DENND4B: variants seen among roughly 807,000 people sequenced by gnomAD.
DENND4B encodes DENN domain-containing protein 4B.
A neutral mutation model predicts 161.0 loss-of-function variants in DENND4B; 67 were observed. The ratio of observed to expected loss-of-function variants is 0.42; its 90% CI spans 0.34 to 0.51. DENND4B has a LOEUF of 0.51. DENND4B is among the 20% of genes least tolerant of loss of function. DENND4B has a pLI of 0.08. For missense variants in DENND4B, 1,481 were observed against 1,968.0 expected, an observed-to-expected ratio of 0.75 and a Z score of 4.68; for synonymous variants, 753 against 813.8, an observed-to-expected ratio of 0.93 and a Z score of 1.27.
Position 153,940,923 on chromosome 1 carries a change from A to G in DENND4B, c.1307T>C (p.Val436Ala), listed in dbSNP as rs757039459. The G allele has an allele frequency of 2.0e-5, 31 of 1,582,134 alleles. No homozygotes were observed. Among genetic ancestry groups the G allele is most frequent in the Non-Finnish European group, 4.3e-6 (5 of 1,167,788 alleles). The change falls in exon 9 of 28, where the codon GTC (valine) becomes GCC (alanine). Residue 436 changes from valine to alanine, a missense_variant. Around this residue, in one of 3 missense-constraint regions of DENND4B, gnomAD observed 806 missense variants for 1,134.4 expected, o/e 0.71. Coordinates refer to ENST00000361217, the MANE Select transcript of DENND4B (RefSeq NM_014856.3). The surrounding 1 kb of genome is among the most constrained non-coding windows in gnomAD (Gnocchi z 5.6). ...ACTCACCGAGACGAGGGCCTCACAG[A>G]CGCTGGTGAGCAGGTCTGGCCGCAG... ...HSLRPDLLTSVCEALVSMIFP... is the reference protein window; with the variant it reads ...HSLRPDLLTSACEALVSMIFP...
chr1:153,934,047 C>G lies in DENND4B; in HGVS notation c.2941+88G>C. ...AGCACCCACCACAGAGGGCCGCCCT[C>G]CACTCTGTTTCTGGTCTTCCCCACC... On this transcript the variant is annotated intron_variant, in intron 19 of 27. Transcript: ENST00000361217. The surrounding 1 kb of genome is among the most constrained non-coding windows in gnomAD (Gnocchi z 5.3). 1 of 1,464,310 alleles carries G rather than the reference C, an allele frequency of 6.8e-7. No individual in the cohort carries two copies. The highest frequency in any genetic ancestry group is 9.0e-7 in the Non-Finnish European group (1 of 1,106,144). The allele number at this position is 1,464,310 out of a possible 1,614,324, so 90.7% of individuals were successfully genotyped here.
At position 153,937,372 on chromosome 1, in the gene DENND4B, T is replaced by C. The variant is rs1679407401; in HGVS notation, c.2232+116A>G. On this transcript the variant is annotated intron_variant, in intron 15 of 27. Coordinates refer to ENST00000361217, the MANE Select transcript of DENND4B (RefSeq NM_014856.3). This position sits in a 1 kb window ranked among gnomAD's most constrained non-coding sequence, Gnocchi z 4.7. ...TATGTGCCAAGCACATTTAAACTCC[T>C]AACAACCTCATGGGTTAAGTATTAT... The C allele has an allele frequency of 7.1e-7, 1 of 1,407,024 alleles. No individual in the cohort carries two copies. The highest frequency in any genetic ancestry group is 2.5e-5 in the East Asian group (1 of 39,504). 87.2% of individuals were successfully genotyped at this position (1,407,024 alleles called of 1,614,324 possible).
intron 8 of DENND4B, 42 bp from the exon 9 acceptor site, chr1:153,941,090 C>T (rs1297601356): frequency 6.4e-7 from 1 of 1,555,966 alleles, no homozygotes; most frequent in Admixed American, 2.0e-5. Context: ...ACCAGGATAC[C>T]CTGGGGACCC....
upstream of DENND4B, chr1:153,946,804 G>T (rs1015739488): frequency 8.2e-6 from 3 of 364,198 alleles, no homozygotes; most frequent in African/African-American, 6.3e-5. This position sits in a 1 kb window ranked among gnomAD's most constrained non-coding sequence, Gnocchi z 6.3. Flanking sequence ...TCCAGCCCGT[G>T]CCTCAGGACA....
intron 6 of DENND4B, 71 bp downstream of exon 6, chr1:153,941,798 A>G: frequency 1.3e-6 from 1 of 799,990 alleles, no homozygotes; most frequent in Non-Finnish European, 1.9e-6. Context: ...CCACATCTGA[A>G]TCTCTCCCAT....
Position 153,942,053 on chromosome 1 carries a change from G to C in DENND4B, c.871C>G (p.Gln291Glu). The change falls in exon 6 of 28, where the codon CAG becomes GAG. Residue 291 changes from glutamine to glutamate, a missense_variant. Around this residue, in one of 3 missense-constraint regions of DENND4B, gnomAD observed 806 missense variants for 1,134.4 expected, o/e 0.71. Coordinates refer to ENST00000361217, the MANE Select transcript of DENND4B (RefSeq NM_014856.3). The surrounding 1 kb of genome is among the most constrained non-coding windows in gnomAD (Gnocchi z 6.9). Reference protein sequence around the residue: ...AFPRARLSERQARALGLLSAV... With the variant: ...AFPRARLSEREARALGLLSAV... ...CTCAGCAGGCCCAGTGCCCGTGCCT[G>C]TCGCTCTGATAGCCTGGCCCTTGGG... is the stretch of plus-strand genomic sequence containing the variant. 6.2e-7 allele frequency: 1 copy of C among 1,612,062 alleles called. No individual in the cohort carries two copies. The highest frequency in any genetic ancestry group is 8.5e-7 in the Non-Finnish European group (1 of 1,179,126).
At chr1:153,941,774 A>AGGGGGGGG in intron 6 of DENND4B, 95 bp downstream of exon 6, 6 of 618,126 alleles carry the variant, frequency 9.7e-6, no homozygotes, top group Non-Finnish European at 1.1e-5. Flanking sequence ...CCCTGTGCCC[A>AGGGGGGGG]GCCCTCCCCC....
chr1:153,932,427 C>A lies in DENND4B; in HGVS notation c.3773G>T (p.Arg1258Leu). 1 of 1,609,252 alleles carries A rather than the reference C, an allele frequency of 6.2e-7. No homozygotes were observed. The highest frequency in any genetic ancestry group is 8.5e-7 in the Non-Finnish European group (1 of 1,177,906). ...CNGHMGGASR[R>L]VESGAWAYLS... Reference sequence around the variant, plus strand: ...GTATGCCCATGCCCCACTCTCAACCCGCCGGGAGGCTCCCTATCAGGCACA... The same window carrying A: ...GTATGCCCATGCCCCACTCTCAACCAGCCGGGAGGCTCCCTATCAGGCACA... Residue 1258 changes from arginine (R) to leucine (L), a missense_variant, in exon 24 of 28, where the codon CGG becomes CTG. By Grantham distance (102) the Arg-to-Leu change is moderately radical. Coordinates refer to ENST00000361217, the MANE Select transcript of DENND4B (RefSeq NM_014856.3). This position sits in a 1 kb window ranked among gnomAD's most constrained non-coding sequence, Gnocchi z 5.8.
At chr1:153,945,331 G>T in intron 1 of DENND4B, 2 of 400,292 alleles carry the variant, frequency 5.0e-6, no homozygotes, top group Non-Finnish European at 4.6e-6. Flanking sequence ...TCAGCCTATG[G>T]GTGTGTGTGG....
In DENND4B at chr1:153,942,511, A is replaced by T; in HGVS notation, c.640+45T>A. 1 of 1,577,964 alleles carries T rather than the reference A, an allele frequency of 6.3e-7. No homozygotes were observed. Among genetic ancestry groups the T allele is most frequent in the South Asian group, 1.2e-5 (1 of 86,638 alleles). On this transcript the variant is annotated intron_variant, in intron 4 of 27. Transcript: ENST00000361217. This position sits in a 1 kb window ranked among gnomAD's most constrained non-coding sequence, Gnocchi z 6.9. ...TGCCTGCCAAGAGGCACCAGGGCAA[A>T]GGGATGTAGGGTCACAGGATTGGAG...
rs748942464 is a variant in DENND4B at position 153,933,726 on chromosome 1, G to A, written c.3087C>T (p.Ser1029=). ...GGSGSALSAQ[S]TEALEGLSGR... ...CACTTAGCCCTTCCAGGGCCTCAGTGGACTGGGCACTCAGGGCTGAGCCTG... is the reference window on the plus strand; with the variant it reads ...CACTTAGCCCTTCCAGGGCCTCAGTAGACTGGGCACTCAGGGCTGAGCCTG... Residue 1029 remains serine (S), a synonymous_variant, in exon 20 of 28, where the codon TCC becomes TCT. Coordinates refer to ENST00000361217, the MANE Select transcript of DENND4B (RefSeq NM_014856.3). This position sits in a 1 kb window ranked among gnomAD's most constrained non-coding sequence, Gnocchi z 5.7. The A allele has an allele frequency of 1.3e-6, 2 of 1,593,740 alleles. No individual in the cohort carries two copies. The highest frequency in any genetic ancestry group is 2.3e-5 in the South Asian group (2 of 88,712).
chr1:153,931,422 T>C (rs976505381), intron 24 of DENND4B, among the ~76,000 whole-genome samples: 1 of 151,842 alleles, frequency 6.6e-6, no homozygotes, highest in African/African-American at 2.4e-5. Context: ...ATGACCAAAT[T>C]GAGGCTCAGA....
At chr1:153,931,909 T>C (rs540983651) in intron 24 of DENND4B, among the ~76,000 whole-genome samples, 4 of 151,930 alleles carry the variant, frequency 2.6e-5, no homozygotes, top group Non-Finnish European at 1.5e-5. Flanking sequence ...GTTCAAGCAA[T>C]TCTCCCACCT....
In DENND4B at chr1:153,932,661, A is replaced by G. The variant is rs757215248; in HGVS notation, c.3740T>C (p.Leu1247Pro). ...RLCLALDEPQ[L>P]CNGHMGGASR... ...CCTTACCCCCATGTGCCCGTTGCAGAGCTGGGGCTCATCCAGAGCAAGGCA... is the reference window on the plus strand; with the variant it reads ...CCTTACCCCCATGTGCCCGTTGCAGGGCTGGGGCTCATCCAGAGCAAGGCA... Residue 1247 changes from leucine to proline, a missense_variant, in exon 23 of 28, where the codon CTC becomes CCC. Transcript: ENST00000361217. The surrounding 1 kb of genome is among the most constrained non-coding windows in gnomAD (Gnocchi z 5.8). 1 of 1,613,622 alleles carries G rather than the reference A, an allele frequency of 6.2e-7. No individual in the cohort carries two copies. Among genetic ancestry groups the G allele is most frequent in the Admixed American group, 1.7e-5 (1 of 60,018 alleles).
rs1679406377 is a variant in DENND4B, at chr1:153,937,360, C to T, written c.2232+128G>A. On this transcript the variant is annotated intron_variant, in intron 15 of 27. Transcript: ENST00000361217. This position sits in a 1 kb window ranked among gnomAD's most constrained non-coding sequence, Gnocchi z 4.7. ...TACAGGGTTGCTTATGTGCCAAGCACATTTAAACTCCTAACAACCTCATGG... is the reference window on the plus strand; with the variant it reads ...TACAGGGTTGCTTATGTGCCAAGCATATTTAAACTCCTAACAACCTCATGG... 1 of 1,358,348 alleles carries T rather than the reference C, an allele frequency of 7.4e-7. No homozygotes were observed. The highest frequency in any genetic ancestry group is 1.5e-5 in the African/African-American group (1 of 68,272). 84.1% of individuals were successfully genotyped at this position (1,358,348 alleles called of 1,614,324 possible).
chr1:153,939,090 T>C lies in DENND4B; in HGVS notation c.1820-45A>G, dbSNP rs754378083. 8.8e-6 allele frequency: 14 copies of C among 1,598,346 alleles called. No homozygotes were observed. In the South Asian group the frequency reaches 1.6e-4, roughly 18 times the overall value. ...GGCAGAGGAGGGGTGTGACCAGGGC[T>C]CTCCACCACAGCCATAGCTTTTTTG... On this transcript the variant is annotated intron_variant, in intron 12 of 27. Transcript: ENST00000361217.
In DENND4B at chr1:153,933,389, C is replaced by A; in HGVS notation, c.3331-70G>T. 6.2e-7 allele frequency: 1 copy of A among 1,608,190 alleles called. No individual in the cohort carries two copies. On this transcript the variant is annotated intron_variant, in intron 20 of 27. Transcript: ENST00000361217. The surrounding 1 kb of genome is among the most constrained non-coding windows in gnomAD (Gnocchi z 5.7). ...CCACCCAGGATATGTGTTTCAAGCACCCCTCAGAGCCCCCTTTTTGAGCAT... is the reference window on the plus strand; with the variant it reads ...CCACCCAGGATATGTGTTTCAAGCAACCCTCAGAGCCCCCTTTTTGAGCAT...
intron 11 of DENND4B, 139 bp from the exon 12 acceptor site, chr1:153,939,943 A>G: frequency 1.1e-6 from 1 of 888,676 alleles, no homozygotes; most frequent in Non-Finnish European, 1.7e-6. Flanking sequence ...TTCAACTAAC[A>G]GGTTCAAGCT....
rs767005127 is a variant in DENND4B, at chr1:153,932,254, T to C, written c.3946A>G (p.Ile1316Val). Residue 1316 changes from isoleucine to valine, a missense_variant, in exon 24 of 28, where the codon ATT (isoleucine) becomes GTT (valine). Ile to Val is a conservative substitution (Grantham distance 29). This residue lies in a region of DENND4B where 336 missense variants were observed against 503.3 expected (regional missense o/e 0.67). Transcript: ENST00000361217. This position sits in a 1 kb window ranked among gnomAD's most constrained non-coding sequence, Gnocchi z 5.8. Reference sequence around the variant, plus strand: ...GAGGCCAGCACCAGGCCTGGTAGAATACTGGGCAGGCGTAGCCGTTGGAAA... The same window carrying C: ...GAGGCCAGCACCAGGCCTGGTAGAACACTGGGCAGGCGTAGCCGTTGGAAA... ...WYFQRLRLPS[I>V]LPGLVLASCD... 1 of 1,613,950 alleles carries C rather than the reference T, an allele frequency of 6.2e-7. No individual in the cohort carries two copies. The highest frequency in any genetic ancestry group is 8.5e-7 in the Non-Finnish European group (1 of 1,179,870).
Sources: allele counts gnomAD v4.1 joint callset (sites outside exome capture counted in the v4.1 genomes callset), GRCh38; gene constraint gnomAD v4.1.1; regional missense constraint gnomAD v4.1.1; non-coding constraint Gnocchi (gnomAD v3.1); transcripts MANE v1.5; gene names NCBI Gene and HGNC (gene_info 2026-07-23, HGNC 2026-07-21).